DVL1: variants seen among roughly 807,000 people sequenced by gnomAD.
DVL1 encodes the protein dishevelled segment polarity protein 1, also known as segment polarity protein dishevelled homolog DVL-1.
A neutral mutation model predicts 65.0 loss-of-function variants in DVL1; 49 were observed. The observed-to-expected ratio is 0.75, with a 90% CI of 0.60 to 0.96. The LOEUF (loss-of-function observed/expected upper bound fraction) is 0.96, where lower values mean the gene tolerates loss of function less well. DVL1 is among the 40% of genes least tolerant of loss of function. The pLI, the probability that DVL1 is intolerant of heterozygous loss-of-function variation, is 0.00. For synonymous variants in DVL1, 608 were observed against 433.9 expected (o/e 1.40, Z -4.99); for missense variants, 1,197 against 1,045.4 (o/e 1.15, Z -2.00).
Position 1,339,288 on chromosome 1 carries a change from T to G in DVL1, c.1206A>C (p.Pro402=). ...GGGCCCTCAGGAGCTGCCACTTACG[T>G]GGAGCACCAGGCACGGAGCTGGTTA... ...SSLTSSVPGA[P]QLEEAPLTVK... Residue 402 remains proline (P), a splice_region_variant and synonymous_variant, in exon 11 of 15, where the codon CCA becomes CCC. Transcript: ENST00000378888. 6.5e-7 allele frequency: 1 copy of G among 1,548,350 alleles called. No individual in the cohort carries two copies. The highest frequency in any genetic ancestry group is 1.2e-5 in the South Asian group (1 of 83,972).
chr1:1,335,828 CAGG>C lies in DVL1; in HGVS notation c.*311_*313del, dbSNP rs919389892. On this transcript the variant is annotated 3_prime_UTR_variant, in exon 15 of 15. Coordinates refer to ENST00000378888, the MANE Select transcript of DVL1 (RefSeq NM_001330311.2). ...CCCTGGGGGCCTGGGCACAGCTGTGCAGGAGGTGGGGGTCAGCCGAGAGCCCGA... is the reference window on the plus strand; with the variant it reads ...CCCTGGGGGCCTGGGCACAGCTGTGCAGGTGGGGGTCAGCCGAGAGCCCGA... The C allele has an allele frequency of 4.5e-6, 2 of 441,436 alleles. No homozygotes were observed. Among genetic ancestry groups the C allele is most frequent in the African/African-American group, 4.1e-5 (2 of 48,466 alleles). The allele number at this position is 441,436 out of a possible 1,614,324, so 27.3% of individuals were successfully genotyped here. A position where few individuals can be genotyped will look rare whatever the true frequency, so the allele number is the denominator to read the frequency against.
intron 8 of DVL1, 87 bp downstream of exon 8, chr1:1,339,951 C>A: frequency 1.3e-6 from 2 of 1,570,412 alleles, no homozygotes; most frequent in South Asian, 1.1e-5. Context: ...GCAGCCCCTA[C>A]AGACCCACCC....
At chr1:1,336,935 TG>T in intron 14 of DVL1, 1 of 916,984 alleles carries the variant, frequency 1.1e-6, no homozygotes, top group Non-Finnish European at 1.3e-6. Flanking sequence ...AGCCCTGTCC[TG>T]GGCTCCCAAG....
chr1:1,342,638 C>T (rs973947939), intron 2 of DVL1, 51 bp downstream of exon 2: 18 of 1,604,740 alleles, frequency 1.1e-5, no homozygotes, highest in Non-Finnish European at 1.5e-5. Context: ...AAGAGCCCCA[C>T]CCTGGAATGC....
At chr1:1,340,627 G>T in intron 5 of DVL1, 124 bp from the exon 6 acceptor site, 1 of 1,045,284 alleles carries the variant, frequency 9.6e-7, no homozygotes, top group Non-Finnish European at 1.4e-6. Context: ...CAGGCTCAGT[G>T]CCTGACGTCC....
Position 1,336,418 on chromosome 1 carries a change from C to T in DVL1, c.1812G>A (p.Ser604=), listed in dbSNP as rs145478154. ...AAGAGGSGSE[S]DHTAPSGVGS... ...CCACCCCACTCGGTGCCGTGTGATCCGATTCACTGCCACTGCCCCCAGCTC... is the reference window on the plus strand; with the variant it reads ...CCACCCCACTCGGTGCCGTGTGATCTGATTCACTGCCACTGCCCCCAGCTC... Residue 604 remains serine, a synonymous_variant, in exon 15 of 15, where the codon TCG becomes TCA. Coordinates refer to ENST00000378888, the MANE Select transcript of DVL1 (RefSeq NM_001330311.2). The T allele has an allele frequency of 1.1e-5, 17 of 1,595,982 alleles. No homozygotes were observed. In the South Asian group the frequency reaches 1.2e-4, roughly 11 times the overall value.
chr1:1,346,034 T>C (rs780231621), intron 1 of DVL1, among the ~76,000 whole-genome samples: 2 of 152,066 alleles, frequency 1.3e-5, no homozygotes, highest in African/African-American at 2.4e-5. Context: ...ATGAGTGCAG[T>C]AGGTGAACTG....
Position 1,336,255 on chromosome 1 carries a change from C to G in DVL1, c.1975G>C (p.Gly659Arg), listed in dbSNP as rs775980552. The change falls in exon 15 of 15, where the codon GGG (glycine) becomes CGG (arginine). Residue 659 changes from glycine (G) to arginine (R), a missense_variant. Transcript: ENST00000378888. ...GCCAGCTCCCGGACAGGGGGTCCCC[C>G]GGGTGGCCCCCCCACCACTGTATAG... ...KAYTVVGGPPGGPPVRELAAV... is the reference protein window; with the variant it reads ...KAYTVVGGPPRGPPVRELAAV... The G allele has an allele frequency of 1.3e-6, 2 of 1,558,862 alleles. No homozygotes were observed. Among genetic ancestry groups the G allele is most frequent in the Non-Finnish European group, 1.7e-6 (2 of 1,158,348 alleles).
rs750000072 is a variant in DVL1 at position 1,336,529 on chromosome 1, C to T, written c.1715-14G>A. 1.3e-6 allele frequency: 2 copies of T among 1,499,790 alleles called. No homozygotes were observed. Among genetic ancestry groups the T allele is most frequent in the South Asian group, 2.6e-5 (2 of 75,580 alleles). The allele number at this position is 1,499,790 out of a possible 1,614,324, so 92.9% of individuals were successfully genotyped here. A position where few individuals can be genotyped will look rare whatever the true frequency, so the allele number is the denominator to read the frequency against. ...TGCTTTTGCTCCCTGGGAGTGAGAA[C>T]AGGATGGGGAAGGAGCCTGTCAGCA... On this transcript the variant is annotated splice_polypyrimidine_tract_variant and intron_variant, in intron 14 of 14. Transcript: ENST00000378888.
rs781763877 is a variant in DVL1 at position 1,341,768 on chromosome 1, CCGT to C, written c.501_503del (p.Arg169del). The C allele has an allele frequency of 1.9e-6, 3 of 1,602,958 alleles. No homozygotes were observed. The African/African-American group carries it at 4.0e-5, about 21-fold the overall frequency. On this transcript the variant is annotated inframe_deletion, in exon 5 of 15. Coordinates refer to ENST00000378888, the MANE Select transcript of DVL1 (RefSeq NM_001330311.2). ...TGTCTGGGGGCAGCCCCACATCCCG[CCGT>C]CGGTCTCCCCTTGGGTGCCCATTGG...
At chr1:1,344,745 G>A (rs1643893054) in intron 1 of DVL1, among the ~76,000 whole-genome samples, 2 of 152,304 alleles carry the variant, frequency 1.3e-5, no homozygotes, top group African/African-American at 4.8e-5. Context: ...AAAGGCTGGA[G>A]CAACCCAGGG....
chr1:1,337,036 G>C, intron 14 of DVL1: 1 of 988,956 alleles, frequency 1.0e-6, no homozygotes, highest in Non-Finnish European at 1.2e-6. Flanking sequence ...GGTCCGCTCC[G>C]CTAGTCCTTC....
chr1:1,337,070 G>A (rs1333509456), intron 14 of DVL1: 8 of 988,522 alleles, frequency 8.1e-6, no homozygotes, highest in Non-Finnish European at 9.6e-6. Context: ...TTTAGCACAA[G>A]ACAAGGGATA....
chr1:1,336,599 G>A (rs1643584735), intron 14 of DVL1, 84 bp from the exon 15 acceptor site: 25 of 1,449,118 alleles, frequency 1.7e-5, no homozygotes, highest in South Asian at 1.0e-4. Flanking sequence ...CCAGGTGACC[G>A]GGCAGGAACG....
At chr1:1,346,689 C>T (rs1042386167) in intron 1 of DVL1, among the ~76,000 whole-genome samples, 5 of 152,336 alleles carry the variant, frequency 3.3e-5, no homozygotes, top group African/African-American at 1.2e-4. Context: ...GCAAGGTGGT[C>T]AGTCATGCTC....
chr1:1,346,244 G>T (rs1187846153), intron 1 of DVL1, among the ~76,000 whole-genome samples: 1 of 152,154 alleles, frequency 6.6e-6, no homozygotes, highest in Non-Finnish European at 1.5e-5. Flanking sequence ...ATGGCAGGCG[G>T]CCCTGGGGAC....
At position 1,338,651 on chromosome 1, in the gene DVL1, G is replaced by T. The variant is rs535995430; in HGVS notation, c.1210C>A (p.Leu404Met). ...LTSSVPGAPQ[L>M]EEAPLTVKSD... ...TTCACCGTCAGCGGCGCCTCTTCCA[G>T]CTCTGCAAAGCACAGACAGCCCCGC... The change falls in exon 12 of 15, where the codon CTG becomes ATG. Residue 404 changes from leucine (L) to methionine (M), a missense_variant and splice_region_variant. By Grantham distance (15) the Leu-to-Met change is conservative. Transcript: ENST00000378888. 6.2e-7 allele frequency: 1 copy of T among 1,609,080 alleles called. No homozygotes were observed. The highest frequency in any genetic ancestry group is 1.7e-5 in the Admixed American group (1 of 59,972).
At chr1:1,337,594 G>A in intron 14 of DVL1, 2 of 403,208 alleles carry the variant, frequency 5.0e-6, no homozygotes, top group South Asian at 2.0e-5. Flanking sequence ...CTCTACCATA[G>A]GAGAACCACC....
chr1:1,336,884 T>TC, intron 14 of DVL1: 1 of 629,704 alleles, frequency 1.6e-6, no homozygotes. Flanking sequence ...GGCCCCACTG[T>TC]CCCCCCGGCC....
Sources: gnomAD v4.1 joint callset for allele counts (sites outside exome capture counted in the v4.1 genomes callset) on GRCh38, gnomAD v4.1.1 for gene constraint, MANE v1.5 for transcripts, NCBI Gene and HGNC (gene_info 2026-07-23, HGNC 2026-07-21) for gene names.